FANCE: variants seen among roughly 807,000 people sequenced by gnomAD.
The protein encoded by FANCE is FA complementation group E, also known as Fanconi anemia group E protein.
Under a neutral mutation model 57.8 loss-of-function variants are expected in FANCE, and 42 were observed. The observed-to-expected ratio is 0.73, with a 90% confidence interval of 0.57 to 0.94. The LOEUF is 0.94. Ranked by LOEUF, FANCE falls within the 40% of genes least tolerant of loss-of-function variation. The pLI, the probability that FANCE is intolerant of heterozygous loss-of-function variation, is 0.00. For missense variants in FANCE, 608 were observed against 661.8 expected, an observed-to-expected ratio of 0.92 and a Z score of 0.89; for synonymous variants, 251 against 286.4, an observed-to-expected ratio of 0.88 and a Z score of 1.25.
In FANCE at chr6:35,456,261, C is replaced by A. The variant is rs766901564; in HGVS notation, c.763C>A (p.Pro255Thr). Residue 255 changes from proline (P) to threonine (T), a missense_variant, in exon 2 of 10, where the codon CCT becomes ACT. By Grantham distance (38) the Pro-to-Thr change is conservative. Transcript: ENST00000229769. The surrounding 1 kb of genome is among the most constrained non-coding windows in gnomAD (Gnocchi z 4.3). ...GGSASPIKDQ[P>T]VMAVKTGEDG... ...AAGTGCATCTCCTATTAAGGACCAG[C>A]CTGTCATGGCAGTTAAGACTGGCGA... 1.2e-6 allele frequency: 2 copies of A among 1,614,194 alleles called. No individual in the cohort carries two copies. The highest frequency in any genetic ancestry group is 1.1e-5 in the South Asian group (1 of 91,084).
chr6:35,462,733 G>C, intron 8 of FANCE, 56 bp from the exon 9 acceptor site: 1 of 1,611,936 alleles, frequency 6.2e-7, no homozygotes, highest in Non-Finnish European at 8.5e-7. Context: ...AGGACTGGCT[G>C]AATGAAGAGC....
At position 35,456,160 on chromosome 6, in the gene FANCE, G is replaced by A. The variant is rs777849670; in HGVS notation, c.662G>A (p.Arg221Gln). The change falls in exon 2 of 10, where the codon CGG (arginine) becomes CAG (glutamine). Residue 221 changes from arginine to glutamine, a missense_variant. Arg to Gln is a conservative substitution (Grantham distance 43). Coordinates refer to ENST00000229769, the MANE Select transcript of FANCE (RefSeq NM_021922.3). The surrounding 1 kb of genome is among the most constrained non-coding windows in gnomAD (Gnocchi z 4.3). Reference sequence around the variant, plus strand: ...GGGAAGAGGGTCCCCAAAAGATTACGGTGTTGGGAAGAGGAAGAAGATCAT... The same window carrying A: ...GGGAAGAGGGTCCCCAAAAGATTACAGTGTTGGGAAGAGGAAGAAGATCAT... ...PEGKRVPKRL[R>Q]CWEEEEDHEK... 17 of 1,614,042 alleles carry A rather than the reference G, an allele frequency of 1.1e-5. No homozygotes were observed. Among genetic ancestry groups the A allele is most frequent in the Admixed American group, 5.0e-5 (3 of 59,998 alleles).
At chr6:35,464,016 G>A (rs1015248867) in intron 9 of FANCE, among the ~76,000 whole-genome samples, 1 of 151,940 alleles carries the variant, frequency 6.6e-6, no homozygotes, top group Non-Finnish European at 1.5e-5. Context: ...TGAGAGGAAG[G>A]GCATTTCAGG....
intron 8 of FANCE, 70 bp downstream of exon 8, chr6:35,460,688 G>A: frequency 2.8e-6 from 4 of 1,409,500 alleles, no homozygotes; most frequent in Non-Finnish European, 4.0e-6. Flanking sequence ...CGGGGTTCCT[G>A]GGTTTCTGAG....
intron 9 of FANCE, among the ~76,000 whole-genome samples, chr6:35,465,364 G>T (rs1415472893): frequency 1.3e-5 from 2 of 151,934 alleles, no homozygotes; most frequent in East Asian, 3.9e-4. Context: ...TAGTAGAGAT[G>T]GGGTTTCACA....
intron 3 of FANCE, 37 bp from the exon 4 acceptor site, chr6:35,457,879 G>A: frequency 6.3e-7 from 1 of 1,586,262 alleles, no homozygotes; most frequent in Non-Finnish European, 8.7e-7. Context: ...TGTCACTGAG[G>A]GCTCTGCCAG....
intron 7 of FANCE, among the ~76,000 whole-genome samples, 188 bp downstream of exon 7, chr6:35,459,948 C>T (rs536606304): frequency 6.6e-6 from 1 of 152,254 alleles, no homozygotes; most frequent in Non-Finnish European, 1.5e-5. Flanking sequence ...GCACTTTCTA[C>T]TCCTAGTTAT....
intron 2 of FANCE, among the ~76,000 whole-genome samples, chr6:35,457,319 T>TG (rs1305974971): frequency 1.1e-4 from 16 of 151,970 alleles, no homozygotes; most frequent in African/African-American, 3.9e-4. Context: ...TTTGTAGAGA[T>TG]GGGGTCTCAA....
intron 1 of FANCE, among the ~76,000 whole-genome samples, chr6:35,453,998 A>G (rs749054430): frequency 1.8e-4 from 27 of 152,086 alleles, no homozygotes; most frequent in Non-Finnish European, 3.1e-4. Flanking sequence ...GGTCTTCCCT[A>G]TCTCTCTACC....
intron 7 of FANCE, 133 bp from the exon 8 acceptor site, chr6:35,460,419 G>C: frequency 1.2e-6 from 1 of 862,020 alleles, no homozygotes; most frequent in South Asian, 1.4e-5. Flanking sequence ...CCCCACCCCT[G>C]ACTACCCCTT....
rs45614138 is a variant in FANCE, at chr6:35,459,014, C to T, written c.1114-317C>T. The stretch of plus-strand genomic sequence containing the variant: ...CAGGCTGGTCTCGAACTCCTGGCCT[C>T]AAGTGATCCAGCTGTGTCAGCCTCC... On this transcript the variant is annotated intron_variant, in intron 5 of 9. Coordinates refer to ENST00000229769, the MANE Select transcript of FANCE (RefSeq NM_021922.3). Among the ~76,000 whole-genome samples, 1,682 of 152,240 alleles carry T rather than the reference C, an allele frequency of 0.011. 15 individuals carry two copies. The highest frequency in any genetic ancestry group is 0.041 in the Middle Eastern group (12 of 294).
At chr6:35,459,223 G>GT (rs779096560) in intron 5 of FANCE, 108 bp from the exon 6 acceptor site, 22,806 of 1,260,692 alleles carry the variant, frequency 0.018, 5 homozygotes, top group Non-Finnish European at 0.021. Context: ...AAAGAACTTG[G>GT]TTTTTTTTTT....
intron 1 of FANCE, 27 bp from the exon 2 acceptor site, chr6:35,455,720 A>T (rs1043663254): frequency 6.2e-7 from 1 of 1,612,594 alleles, no homozygotes. Context: ...CAAACACTTA[A>T]CTGCTTGCTC....
At position 35,462,674 on chromosome 6, in the gene FANCE, C is replaced by T. The variant is rs2150901156; in HGVS notation, c.1384-115C>T. The T allele has an allele frequency of 1.6e-5, 23 of 1,420,092 alleles. No homozygotes were observed. The South Asian group carries it at 2.8e-4, about 17-fold the overall frequency. The allele number at this position is 1,420,092 out of a possible 1,614,324, so 88.0% of individuals were successfully genotyped here. On this transcript the variant is annotated intron_variant, in intron 8 of 9. Transcript: ENST00000229769. The stretch of plus-strand genomic sequence containing the variant: ...TGGAGGTTTAGGTTGGTTAAGTTAC[C>T]TGCCCAGGGTCACCTAGCTAGGAAG...
chr6:35,459,222 G>GT, intron 5 of FANCE, 109 bp from the exon 6 acceptor site: 1 of 1,439,774 alleles, frequency 6.9e-7, no homozygotes, highest in South Asian at 1.2e-5. Context: ...AAAAGAACTT[G>GT]GTTTTTTTTT....
In FANCE at chr6:35,466,450, G is replaced by A. The variant is rs986657013; in HGVS notation, c.*105G>A. On this transcript the variant is annotated 3_prime_UTR_variant, in exon 10 of 10. Transcript: ENST00000229769. Reference sequence around the variant, plus strand: ...GAGCCCTAGCCTGAGGATAAAGGCTGAGCCTGGCCATCCCAGATTGCAACT... The same window carrying A: ...GAGCCCTAGCCTGAGGATAAAGGCTAAGCCTGGCCATCCCAGATTGCAACT... 1.2e-6 allele frequency: 1 copy of A among 814,826 alleles called. No individual in the cohort carries two copies. 50.5% of individuals were successfully genotyped at this position (814,826 alleles called of 1,614,324 possible). A position where few individuals can be genotyped will look rare whatever the true frequency, so the allele number is the denominator to read the frequency against.
rs1341561020 is a variant in FANCE at position 35,466,943 on chromosome 6, G to T, written c.*598G>T. The T allele has an allele frequency of 4.4e-6, 1 of 226,252 alleles. No homozygotes were observed. Among genetic ancestry groups the T allele is most frequent in the Non-Finnish European group, 8.8e-6 (1 of 113,480 alleles). 14.0% of individuals were successfully genotyped at this position (226,252 alleles called of 1,614,324 possible). A position where few individuals can be genotyped will look rare whatever the true frequency, so the allele number is the denominator to read the frequency against. ...CAAACTTTCCGATAGGGCTCAGTAG[G>T]ATCAAGCCGACCCAGAGTGGGCATG... On this transcript the variant is annotated 3_prime_UTR_variant, in exon 10 of 10. Coordinates refer to ENST00000229769, the MANE Select transcript of FANCE (RefSeq NM_021922.3).
chr6:35,459,880 C>T (rs553190872), intron 7 of FANCE, 120 bp downstream of exon 7: 2 of 794,372 alleles, frequency 2.5e-6, no homozygotes, highest in South Asian at 1.4e-5. Flanking sequence ...TTATGTGTAT[C>T]ATCTCACTCC....
Position 35,453,400 on chromosome 6 carries a change from TTATTGA to T in FANCE, c.248+612_248+617del, listed in dbSNP as rs142890582. On this transcript the variant is annotated intron_variant, in intron 1 of 9. Coordinates refer to ENST00000229769, the MANE Select transcript of FANCE (RefSeq NM_021922.3). ...GCCATTTTATTTGGTTGTGTTTCTG[TTATTGA>T]TATTATCTCCAATTTTTTGGCAGGC... Among the ~76,000 whole-genome samples, 408 of 152,312 alleles carry T rather than the reference TTATTGA, an allele frequency of 2.7e-3. 13 individuals carry two copies. The East Asian group carries it at 0.071, about 27-fold the overall frequency.
Sources: allele counts gnomAD v4.1 joint callset (sites outside exome capture counted in the v4.1 genomes callset), GRCh38; gene constraint gnomAD v4.1.1; non-coding constraint Gnocchi (gnomAD v3.1); transcripts MANE v1.5; gene names NCBI Gene and HGNC (gene_info 2026-07-23, HGNC 2026-07-21).